The following DOP1A variants were observed in gnomAD, a reference collection of about 807,000 sequenced individuals.
DOP1A encodes protein DOP1A.
A neutral mutation model predicts 267.6 loss-of-function variants in DOP1A; 90 were observed. The ratio of observed to expected loss-of-function variants is 0.34; its 90% CI spans 0.28 to 0.40. The LOEUF (loss-of-function observed/expected upper bound fraction) is 0.40, where lower values mean the gene tolerates loss of function less well. DOP1A is among the 10% of genes least tolerant of loss of function. The pLI is 1.00. For synonymous variants in DOP1A, 932 were observed against 999.1 expected (o/e 0.93, Z 1.27); for missense variants, 2,437 against 2,900.4 (o/e 0.84, Z 3.67).
At chr6:83,124,237 G>A (rs1454813861) in intron 12 of DOP1A, among the ~76,000 whole-genome samples, 5 of 152,048 alleles carry the variant, frequency 3.3e-5, no homozygotes, top group African/African-American at 1.2e-4. Context: ...TCTACTACTT[G>A]GATCAGAAGA....
At chr6:83,073,575 T>G (rs1785970745) in intron 1 of DOP1A, among the ~76,000 whole-genome samples, 2 of 152,208 alleles carry the variant, frequency 1.3e-5, no homozygotes, top group South Asian at 4.1e-4. Flanking sequence ...GTTGAAAAAA[T>G]GAAAATATTA....
intron 15 of DOP1A, among the ~76,000 whole-genome samples, chr6:83,128,283 T>C (rs1777505108): frequency 6.6e-6 from 1 of 152,210 alleles, no homozygotes. Flanking sequence ...GCTAATATAC[T>C]CCAGTTCTAC....
rs780745646 is a variant in DOP1A, at chr6:83,118,837, A to T, written c.781-51A>T. The T allele has an allele frequency of 5.5e-5, 83 of 1,504,814 alleles. 3 individuals are homozygous for T. The South Asian group carries it at 9.2e-4, about 17-fold the overall frequency. The allele number at this position is 1,504,814 out of a possible 1,614,324, so 93.2% of individuals were successfully genotyped here. ...AGGGCATTTTTTAAAGAGGAAAAAA[A>T]TAATATATATTGTATATTGCTAAGT... On this transcript the variant is annotated intron_variant, in intron 7 of 38. Transcript: ENST00000349129.
At chr6:83,112,616 C>T (rs1490006249) in intron 6 of DOP1A, among the ~76,000 whole-genome samples, 2 of 152,110 alleles carry the variant, frequency 1.3e-5, no homozygotes, top group African/African-American at 4.8e-5. Context: ...AGGCATGCAC[C>T]ACCACACCCA....
intron 27 of DOP1A, among the ~76,000 whole-genome samples, chr6:83,149,312 T>C (rs1781148634): frequency 6.6e-6 from 1 of 152,210 alleles, no homozygotes; most frequent in Non-Finnish European, 1.5e-5. Flanking sequence ...TAAATGTTAG[T>C]CACCTATGAC....
Position 83,132,232 on chromosome 6 carries a change from G to GAA in DOP1A, c.2674_2675dup (p.Ser893ArgfsTer12). The GAA allele has an allele frequency of 6.2e-7, 1 of 1,613,762 alleles. No homozygotes were observed. ...GAGATGGGACACCTCAGCATCACCA[G>GAA]AAGAGTGTGGAACTATTTTATCAAT... On this transcript the variant is annotated frameshift_variant, in exon 18 of 39. Coordinates refer to ENST00000349129, the MANE Select transcript of DOP1A (RefSeq NM_015018.4). LOFTEE classifies it high-confidence loss of function.
At position 83,125,150 on chromosome 6, in the gene DOP1A, C is replaced by T. The variant is rs1318315942; in HGVS notation, c.1456-16C>T. On this transcript the variant is annotated splice_polypyrimidine_tract_variant and intron_variant, in intron 13 of 38. Coordinates refer to ENST00000349129, the MANE Select transcript of DOP1A (RefSeq NM_015018.4). ...TCTGTTTTCTCTCCTCACTTCTTTG[C>T]TTTCTCATTTTGAAGCCTACTAGAA... 2 of 1,577,962 alleles carry T rather than the reference C, an allele frequency of 1.3e-6. No individual in the cohort carries two copies. Among genetic ancestry groups the T allele is most frequent in the East Asian group, 2.3e-5 (1 of 43,922 alleles).
intron 1 of DOP1A, among the ~76,000 whole-genome samples, chr6:83,085,845 CAG>C (rs1769114984): frequency 7.0e-6 from 1 of 143,110 alleles, no homozygotes; most frequent in African/African-American, 2.6e-5. Context: ...TATTTTGAGA[CAG>C]AGTCTCGCTC....
intron 18 of DOP1A, among the ~76,000 whole-genome samples, chr6:83,133,586 A>G (rs1250668487): frequency 6.6e-6 from 1 of 152,154 alleles, no homozygotes; most frequent in Non-Finnish European, 1.5e-5. Flanking sequence ...ATTATCTAAT[A>G]CCAAATGTGC....
At chr6:83,119,303 C>G (rs1775964601) in intron 8 of DOP1A, among the ~76,000 whole-genome samples, 6 of 152,052 alleles carry the variant, frequency 3.9e-5, no homozygotes, top group Admixed American at 3.9e-4. Context: ...AAAATACTGT[C>G]CAAAACTTTG....
chr6:83,095,213 G>T (rs1383420869), intron 1 of DOP1A, among the ~76,000 whole-genome samples: 1 of 152,156 alleles, frequency 6.6e-6, no homozygotes, highest in South Asian at 2.1e-4. Flanking sequence ...GATTACAGGC[G>T]TGAGCCACCG....
At chr6:83,134,427 G>A (rs1048523072) in intron 19 of DOP1A, 140 bp downstream of exon 19, 12 of 660,796 alleles carry the variant, frequency 1.8e-5, no homozygotes, top group East Asian at 6.2e-5. Context: ...TTTGAAAACC[G>A]TAAGCTGTAT....
At chr6:83,083,899 T>C (rs1428353288) in intron 1 of DOP1A, among the ~76,000 whole-genome samples, 1 of 152,226 alleles carries the variant, frequency 6.6e-6, no homozygotes, top group Non-Finnish European at 1.5e-5. Flanking sequence ...CATATTGCTA[T>C]GTGTACCAGA....
chr6:83,136,841 C>T (rs1411997407), intron 20 of DOP1A, among the ~76,000 whole-genome samples: 1 of 152,068 alleles, frequency 6.6e-6, no homozygotes, highest in Non-Finnish European at 1.5e-5. Flanking sequence ...TTGGTATGTA[C>T]TACTTTGTAT....
intron 38 of DOP1A, chr6:83,165,986 T>C: frequency 3.0e-6 from 1 of 329,148 alleles, no homozygotes; most frequent in Non-Finnish European, 5.9e-6. Context: ...CAAGTTTGGC[T>C]TTGGGAAGTG....
chr6:83,114,263 A>G (rs1011579472), intron 7 of DOP1A, among the ~76,000 whole-genome samples: 4 of 152,148 alleles, frequency 2.6e-5, no homozygotes, highest in Non-Finnish European at 4.4e-5. Context: ...TTCCTTGTCT[A>G]TACTTTGACT....
chr6:83,160,151 C>A (rs1451964836), intron 37 of DOP1A, among the ~76,000 whole-genome samples, 191 bp downstream of exon 37: 3 of 152,212 alleles, frequency 2.0e-5, no homozygotes, highest in Non-Finnish European at 4.4e-5. Flanking sequence ...ACAGACTATT[C>A]AGTCAACAGA....
At chr6:83,082,167 C>G (rs1768204865) in intron 1 of DOP1A, among the ~76,000 whole-genome samples, 1 of 152,112 alleles carries the variant, frequency 6.6e-6, no homozygotes, top group Non-Finnish European at 1.5e-5. Context: ...AATCCCACTA[C>G]TGAGTATATA....
rs1446461750 is a variant in DOP1A, at chr6:83,129,111, A to G, written c.1944A>G (p.Glu648=). 3 of 1,613,968 alleles carry G rather than the reference A, an allele frequency of 1.9e-6. No homozygotes were observed. The highest frequency in any genetic ancestry group is 2.5e-6 in the Non-Finnish European group (3 of 1,179,992). The change falls in exon 16 of 39, where the codon GAA becomes GAG. Residue 648 remains glutamate (E), a synonymous_variant. Transcript: ENST00000349129. ...CAGCATCCACTGTGGGATCTGAAGAAACCATCATCCAGACCCCTTCCGTAG... is the reference window on the plus strand; with the variant it reads ...CAGCATCCACTGTGGGATCTGAAGAGACCATCATCCAGACCCCTTCCGTAG... The part of the protein sequence containing the change: ...TETASTVGSE[E]TIIQTPSVVT...
Sources: gnomAD v4.1 joint callset for allele counts (sites outside exome capture counted in the v4.1 genomes callset) on GRCh38, gnomAD v4.1.1 for gene constraint, MANE v1.5 for transcripts, NCBI Gene and HGNC (gene_info 2026-07-23, HGNC 2026-07-21) for gene names.